The following SAMD3 variants were observed in gnomAD, a reference collection of about 807,000 sequenced individuals.
The protein encoded by SAMD3 is sterile alpha motif domain-containing protein 3.
In SAMD3, 63 loss-of-function variants were observed where a neutral mutation model predicts 58.5. That is an observed-to-expected ratio of 1.08 (90% CI 0.88 to 1.33). The LOEUF (loss-of-function observed/expected upper bound fraction) is 1.33, where lower values mean the gene tolerates loss of function less well. Ranked by LOEUF, SAMD3 falls within the 40% of genes most tolerant of loss-of-function variation. The pLI is 0.00. For missense variants in SAMD3, 604 were observed against 608.4 expected (o/e 0.99, Z 0.08); for synonymous variants, 220 against 210.3 (o/e 1.05, Z -0.40).
intron 8 of SAMD3, among the ~76,000 whole-genome samples, chr6:130,172,854 T>C (rs1791371940): frequency 6.6e-6 from 1 of 152,212 alleles, no homozygotes; most frequent in Non-Finnish European, 1.5e-5. Context: ...ATCAATTGTA[T>C]GTTTGTTCTT....
intron 5 of SAMD3, among the ~76,000 whole-genome samples, chr6:130,197,174 G>A (rs1288089215): frequency 6.6e-6 from 1 of 152,204 alleles, no homozygotes; most frequent in Non-Finnish European, 1.5e-5. Flanking sequence ...GCCCATTTGA[G>A]CTCCTGTATA....
chr6:130,254,001 CT>C (rs570452374), intron 2 of SAMD3, among the ~76,000 whole-genome samples: 5 of 150,240 alleles, frequency 3.3e-5, no homozygotes, highest in East Asian at 1.9e-4. Flanking sequence ...AGTTACCCAT[CT>C]TTTTTTTTGA....
intron 2 of SAMD3, among the ~76,000 whole-genome samples, chr6:130,263,456 C>T (rs1389049701): frequency 6.6e-6 from 1 of 152,108 alleles, no homozygotes; most frequent in Non-Finnish European, 1.5e-5. Flanking sequence ...GTGCTGCTAA[C>T]CACCAAGAAT....
At chr6:130,263,711 A>C (rs1457180119) in intron 2 of SAMD3, among the ~76,000 whole-genome samples, 3 of 152,126 alleles carry the variant, frequency 2.0e-5, no homozygotes, top group Non-Finnish European at 4.4e-5. Context: ...TGCCTTGTGG[A>C]GACTTGCCAA....
chr6:130,288,129 G>C (rs1378883922), intron 2 of SAMD3, among the ~76,000 whole-genome samples: 1 of 152,200 alleles, frequency 6.6e-6, no homozygotes, highest in Non-Finnish European at 1.5e-5. Context: ...GGATGTGTAT[G>C]AGTCAGAGTA....
intron 1 of SAMD3, among the ~76,000 whole-genome samples, chr6:130,327,763 A>G (rs1469635803): frequency 1.3e-5 from 2 of 152,236 alleles, no homozygotes; most frequent in Non-Finnish European, 2.9e-5. Context: ...AATGTAAGAT[A>G]CTTTTTAACA....
intron 1 of SAMD3, among the ~76,000 whole-genome samples, chr6:130,361,732 G>C (rs1262833313): frequency 6.6e-6 from 1 of 152,170 alleles, no homozygotes; most frequent in Non-Finnish European, 1.5e-5. Context: ...TGTTTTGATT[G>C]AGCAGAAACT....
chr6:130,342,479 ATAAT>A (rs1336732439), intron 1 of SAMD3, among the ~76,000 whole-genome samples: 3 of 152,202 alleles, frequency 2.0e-5, no homozygotes, highest in Admixed American at 6.5e-5. Flanking sequence ...AATCACATTT[ATAAT>A]TAATTAAAGT....
At chr6:130,300,260 C>G (rs1225295868) in intron 2 of SAMD3, among the ~76,000 whole-genome samples, 1 of 152,082 alleles carries the variant, frequency 6.6e-6, no homozygotes, top group Non-Finnish European at 1.5e-5. Flanking sequence ...TAATTTATCA[C>G]AATCAAGAGG....
intron 1 of SAMD3, among the ~76,000 whole-genome samples, chr6:130,217,896 C>T (rs1369314212): frequency 6.6e-6 from 1 of 152,202 alleles, no homozygotes; most frequent in African/African-American, 2.4e-5. Context: ...AAAAGTATCT[C>T]CTACCGTGGC....
intron 2 of SAMD3, among the ~76,000 whole-genome samples, chr6:130,301,429 C>T (rs939623426): frequency 2.0e-5 from 3 of 151,988 alleles, no homozygotes; most frequent in Non-Finnish European, 2.9e-5. Context: ...GTGAGATCAC[C>T]GATGGCGCAA....
At chr6:130,323,671 C>T (rs889474288) in intron 1 of SAMD3, among the ~76,000 whole-genome samples, 1 of 151,824 alleles carries the variant, frequency 6.6e-6, no homozygotes, top group African/African-American at 2.4e-5. Context: ...GGCGTGGTGG[C>T]ATGTGCCTGT....
chr6:130,358,923 T>C (rs769406196), intron 1 of SAMD3, among the ~76,000 whole-genome samples: 1 of 152,226 alleles, frequency 6.6e-6, no homozygotes, highest in Non-Finnish European at 1.5e-5. Context: ...AGTCTTTTAT[T>C]GATGGGCACA....
intron 4 of SAMD3, among the ~76,000 whole-genome samples, chr6:130,210,577 C>T (rs144463713): frequency 0.025 from 3,598 of 144,338 alleles, 131 homozygotes; most frequent in African/African-American, 0.083. Context: ...CCAGCCTGGG[C>T]GACAAGAGAG....
intron 5 of SAMD3, among the ~76,000 whole-genome samples, chr6:130,188,640 C>T (rs758081972): frequency 2.6e-5 from 4 of 152,136 alleles, no homozygotes; most frequent in Admixed American, 1.3e-4. Context: ...ATCACCTCAC[C>T]GGGACTGCTT....
At chr6:130,153,134 C>T (rs888444554) in intron 9 of SAMD3, among the ~76,000 whole-genome samples, 6 of 152,126 alleles carry the variant, frequency 3.9e-5, no homozygotes, top group Non-Finnish European at 5.9e-5. Flanking sequence ...AATATTAACA[C>T]GTGCTCCCTA....
chr6:130,184,756 C>T (rs1792776911), intron 5 of SAMD3, 133 bp from the exon 6 acceptor site: 1 of 649,668 alleles, frequency 1.5e-6, no homozygotes, highest in Non-Finnish European at 2.6e-6. Context: ...ATCAAGCCAT[C>T]TTCCATCCAT....
intron 2 of SAMD3, among the ~76,000 whole-genome samples, chr6:130,262,865 G>A (rs1178555728): frequency 2.0e-5 from 3 of 152,112 alleles, no homozygotes; most frequent in Non-Finnish European, 2.9e-5. Context: ...ATTGGCCAAA[G>A]TTAAAGAGGT....
At chr6:130,166,776 T>G (rs1421267559) in intron 8 of SAMD3, among the ~76,000 whole-genome samples, 1 of 152,182 alleles carries the variant, frequency 6.6e-6, no homozygotes, top group Non-Finnish European at 1.5e-5. Flanking sequence ...TATGAAGAGA[T>G]GCCCAGACTC....
Sources: allele counts gnomAD v4.1 joint callset (sites outside exome capture counted in the v4.1 genomes callset), GRCh38; gene constraint gnomAD v4.1.1; transcripts MANE v1.5; gene names NCBI Gene and HGNC (gene_info 2026-07-23, HGNC 2026-07-21).